Variants in GRIP2 observed in about 807,000 individuals in gnomAD.
GRIP2 encodes the protein glutamate receptor interacting protein 2, also known as glutamate receptor-interacting protein 2.
Under a neutral mutation model 108.3 loss-of-function variants are expected in GRIP2, and 58 were observed. The ratio of observed to expected loss-of-function variants is 0.54; its 90% confidence interval spans 0.43 to 0.67. The LOEUF is 0.67. Ranked by LOEUF, GRIP2 falls within the 30% of genes least tolerant of loss-of-function variation. GRIP2 has a pLI of 0.00. For synonymous variants in GRIP2, 586 were observed against 598.2 expected, an observed-to-expected ratio of 0.98 and a Z score of 0.30; for missense variants, 1,278 against 1,430.6, an observed-to-expected ratio of 0.89 and a Z score of 1.72.
At chr3:14,497,834 G>A (rs1222449772) in intron 21 of GRIP2, among the ~76,000 whole-genome samples, 2 of 152,138 alleles carry the variant, frequency 1.3e-5, no homozygotes, top group Non-Finnish European at 2.9e-5. Context: ...GAGTTAGAAC[G>A]GGCTCAGGAA....
At chr3:14,570,060 G>A in the GRIP2 span, among the ~76,000 whole-genome samples, 9 of 152,298 alleles carry the variant, frequency 5.9e-5, no homozygotes, top group African/African-American at 1.7e-4. Context: ...AACCCAGGCT[G>A]TCTGGCCCCA....
At chr3:14,588,947 C>T in the GRIP2 span, among the ~76,000 whole-genome samples, 7 of 152,318 alleles carry the variant, frequency 4.6e-5, no homozygotes, top group Admixed American at 3.9e-4. Flanking sequence ...CCAAAACCTG[C>T]CTCCATCCCT....
chr3:14,599,466 C>G, the GRIP2 span, among the ~76,000 whole-genome samples: 4 of 152,112 alleles, frequency 2.6e-5, no homozygotes, highest in Admixed American at 6.5e-5. Context: ...TCCACACTCC[C>G]TAAGCACTGG....
chr3:14,511,128 G>C lies in GRIP2; in HGVS notation c.1933+37C>G. The C allele has an allele frequency of 1.2e-6, 2 of 1,609,544 alleles. No homozygotes were observed. Among genetic ancestry groups the C allele is most frequent in the Non-Finnish European group, 1.7e-6 (2 of 1,177,518 alleles). On this transcript the variant is annotated intron_variant, in intron 16 of 23. Coordinates refer to ENST00000621039, the MANE Select transcript of GRIP2 (RefSeq NM_001080423.4). This position sits in a 1 kb window ranked among gnomAD's most constrained non-coding sequence, Gnocchi z 4.1. ...CTGGGAACCCGCTAGTCAAAGGGTG[G>C]GCCTCTGGAGGTAGGAGGCCAGCAT... is the stretch of plus-strand genomic sequence containing the variant.
In GRIP2 at chr3:14,494,983, G is replaced by C. The variant is rs1452845692; in HGVS notation, c.2830C>G (p.Leu944Val). The C allele has an allele frequency of 6.2e-7, 1 of 1,613,608 alleles. No individual in the cohort carries two copies. Among genetic ancestry groups the C allele is most frequent in the Non-Finnish European group, 8.5e-7 (1 of 1,179,734 alleles). Residue 944 changes from leucine to valine, a missense_variant, in exon 23 of 24, where the codon CTG (leucine) becomes GTG (valine). Physicochemically the swap from Leu to Val is conservative, Grantham distance 32. Coordinates refer to ENST00000621039, the MANE Select transcript of GRIP2 (RefSeq NM_001080423.4). ...TCATGCCGCATGGGGTCCTTGTGCA[G>C]GGTCACCTGGAAGCAGAAGGAGGAG... ...PTPLEMHKVT[L>V]HKDPMRHDFG...
chr3:14,558,252 C>T (rs1695265925), upstream of GRIP2, among the ~76,000 whole-genome samples: 1 of 152,214 alleles, frequency 6.6e-6, no homozygotes, highest in South Asian at 2.1e-4. Flanking sequence ...TCCTAGCCAC[C>T]AGACTAGGCC....
chr3:14,569,110 C>T, the GRIP2 span, among the ~76,000 whole-genome samples: 2 of 152,212 alleles, frequency 1.3e-5, no homozygotes, highest in Non-Finnish European at 2.9e-5. Context: ...CCCCACTCTG[C>T]CCAGACGCCC....
At position 14,512,653 on chromosome 3, in the gene GRIP2, A is replaced by C. The variant is rs1694130214; in HGVS notation, c.1720+124T>G. 1 of 869,096 alleles carries C rather than the reference A, an allele frequency of 1.2e-6. No homozygotes were observed. Among genetic ancestry groups the C allele is most frequent in the Non-Finnish European group, 1.8e-6 (1 of 556,014 alleles). The allele number at this position is 869,096 out of a possible 1,614,324, so 53.8% of individuals were successfully genotyped here. On this transcript the variant is annotated intron_variant, in intron 14 of 23. Transcript: ENST00000621039. The surrounding 1 kb of genome is among the most constrained non-coding windows in gnomAD (Gnocchi z 5.1). ...CGGAAGCCAGCCTCCCCACACCCCC[A>C]AGCCTTTTCCTCGGGCCCCGCAGGG... is the stretch of plus-strand genomic sequence containing the variant.
chr3:14,540,521 C>T, upstream of GRIP2: 2 of 1,120,464 alleles, frequency 1.8e-6, no homozygotes, highest in Non-Finnish European at 1.2e-6. This position sits in a 1 kb window ranked among gnomAD's most constrained non-coding sequence, Gnocchi z 4.1. Flanking sequence ...ACATGCCCCA[C>T]CCCTGCAGCC....
the GRIP2 span, among the ~76,000 whole-genome samples, chr3:14,592,139 A>G: frequency 6.6e-6 from 1 of 152,250 alleles, no homozygotes; most frequent in Non-Finnish European, 1.5e-5. Flanking sequence ...ATAGAGGGGC[A>G]TCTCTGCCCC....
At chr3:14,599,899 A>G in the GRIP2 span, among the ~76,000 whole-genome samples, 13 of 152,248 alleles carry the variant, frequency 8.5e-5, no homozygotes, top group South Asian at 1.5e-3. Flanking sequence ...ACACAACTCA[A>G]AAACGTAATA....
chr3:14,568,432 G>A, the GRIP2 span, among the ~76,000 whole-genome samples: 3 of 152,182 alleles, frequency 2.0e-5, no homozygotes, highest in Non-Finnish European at 4.4e-5. Flanking sequence ...TTACAGAGGA[G>A]GAACCTGAGG....
intron 1 of GRIP2, among the ~76,000 whole-genome samples, chr3:14,535,740 G>A (rs1694818783): frequency 6.6e-6 from 1 of 152,248 alleles, no homozygotes; most frequent in Admixed American, 6.5e-5. Context: ...AGCCAGGATT[G>A]AAGCCCAGGC....
Position 14,514,399 on chromosome 3 carries a change from G to T in GRIP2, c.1386C>A (p.Asp462Glu), listed in dbSNP as rs200193892. 1.4e-4 allele frequency: 222 copies of T among 1,574,664 alleles called. 2 individuals carry two copies. The Middle Eastern group carries it at 3.9e-3, about 28-fold the overall frequency. The change falls in exon 12 of 24, where the codon GAC becomes GAA. Residue 462 changes from aspartate to glutamate, a missense_variant. Asp to Glu is a conservative substitution (Grantham distance 45, BLOSUM62 2). Coordinates refer to ENST00000621039, the MANE Select transcript of GRIP2 (RefSeq NM_001080423.4). Reference protein sequence around the residue: ...TETTEVVLCGDPLSGFGLQLQ... With the variant: ...TETTEVVLCGEPLSGFGLQLQ... The stretch of plus-strand genomic sequence containing the variant: ...GCTGGAGGCCAAAGCCGCTGAGGGG[G>T]TCTCCACAGAGCACGACCTCCGTGG...
chr3:14,574,883 G>C, the GRIP2 span: 4 of 299,402 alleles, frequency 1.3e-5, no homozygotes, highest in East Asian at 2.8e-4. Context: ...GAATGAAAAG[G>C]GCTGGACAGT....
Position 14,507,678 on chromosome 3 carries a change from C to T in GRIP2, c.2101G>A (p.Asp701Asn). ...AERTGAIHVG[D>N]RILAINNVSL... Reference sequence around the variant, plus strand: ...ACGTTGTTGATGGCCAGAATGCGGTCCCCCACGTGGATGGCACCAGTCCTG... The same window carrying T: ...ACGTTGTTGATGGCCAGAATGCGGTTCCCCACGTGGATGGCACCAGTCCTG... Residue 701 changes from aspartate (D) to asparagine (N), a missense_variant, in exon 18 of 24, where the codon GAC becomes AAC. Transcript: ENST00000621039. The surrounding 1 kb of genome is among the most constrained non-coding windows in gnomAD (Gnocchi z 4.6). The T allele has an allele frequency of 6.2e-7, 1 of 1,613,946 alleles. No homozygotes were observed. Among genetic ancestry groups the T allele is most frequent in the Non-Finnish European group, 8.5e-7 (1 of 1,179,876 alleles).
In GRIP2 at chr3:14,517,793, C is replaced by A; in HGVS notation, c.1135G>T (p.Ala379Ser). The change falls in exon 10 of 24, where the codon GCT becomes TCT. Residue 379 changes from alanine to serine, a missense_variant. Physicochemically the swap from Ala to Ser is moderately conservative, Grantham distance 99. Coordinates refer to ENST00000621039, the MANE Select transcript of GRIP2 (RefSeq NM_001080423.4). ...TTACATCGGCTTTGGTCCTGGCCAGCAGGTGTGGCCCAGGTGGGCATCCTG... is the reference window on the plus strand; with the variant it reads ...TTACATCGGCTTTGGTCCTGGCCAGAAGGTGTGGCCCAGGTGGGCATCCTG... ...HCRMPTWATPAGQDQSRSLSS... is the reference protein window; with the variant it reads ...HCRMPTWATPSGQDQSRSLSS... 6.2e-7 allele frequency: 1 copy of A among 1,609,240 alleles called. No homozygotes were observed. Among genetic ancestry groups the A allele is most frequent in the Non-Finnish European group, 8.5e-7 (1 of 1,178,314 alleles).
rs1218739476 is a variant in GRIP2, at chr3:14,489,518, CAG to C, written c.*4145_*4146del. 1 of 152,340 alleles carries C rather than the reference CAG, an allele frequency of 6.6e-6. No homozygotes were observed. Among genetic ancestry groups the C allele is most frequent in the Admixed American group, 6.5e-5 (1 of 15,282 alleles). 9.4% of individuals were successfully genotyped at this position (152,340 alleles called of 1,614,324 possible). Reference sequence around the variant, plus strand: ...TCACAGAGGAAGCAGCTTGCTCACTCAGGGGTACACAGCAAGTCCATGAAAGA... The same window carrying C: ...TCACAGAGGAAGCAGCTTGCTCACTCGGGTACACAGCAAGTCCATGAAAGA... On this transcript the variant is annotated 3_prime_UTR_variant, in exon 24 of 24. Coordinates refer to ENST00000621039, the MANE Select transcript of GRIP2 (RefSeq NM_001080423.4).
At chr3:14,516,469 C>T (rs1335245857) in intron 11 of GRIP2, among the ~76,000 whole-genome samples, 1 of 152,206 alleles carries the variant, frequency 6.6e-6, no homozygotes, top group East Asian at 1.9e-4. Flanking sequence ...TGTGTTTTGC[C>T]ACTTCCACAG....
Sources: allele counts gnomAD v4.1 joint callset (sites outside exome capture counted in the v4.1 genomes callset), GRCh38; gene constraint gnomAD v4.1.1; non-coding constraint Gnocchi (gnomAD v3.1); transcripts MANE v1.5; gene names NCBI Gene and HGNC (gene_info 2026-07-23, HGNC 2026-07-21).